Variants in EYA4 observed in about 807,000 individuals in gnomAD.
EYA4 encodes protein phosphatase EYA4.
Under a neutral mutation model 87.9 loss-of-function variants are expected in EYA4, and 31 were observed. That is an observed-to-expected ratio of 0.35 (90% CI 0.27 to 0.48). The LOEUF (loss-of-function observed/expected upper bound fraction) is 0.48, where lower values mean the gene tolerates loss of function less well. Ranked by LOEUF, EYA4 falls within the 20% of genes least tolerant of loss-of-function variation. The pLI is 0.99. For synonymous variants in EYA4, 263 were observed against 270.6 expected (o/e 0.97, Z 0.28); for missense variants, 678 against 761.4 (o/e 0.89, Z 1.29).
At chr6:133,298,547 T>C (rs1455717564) in intron 2 of EYA4, among the ~76,000 whole-genome samples, 1 of 152,198 alleles carries the variant, frequency 6.6e-6, no homozygotes, top group African/African-American at 2.4e-5. Flanking sequence ...TCAGCAATTA[T>C]AGCATAGAGG....
chr6:133,464,943 T>G, intron 10 of EYA4, 85 bp downstream of exon 10: 1 of 801,156 alleles, frequency 1.2e-6, no homozygotes, highest in Non-Finnish European at 2.1e-6. Flanking sequence ...ATGTGCATAC[T>G]CTCCCAGAAT....
chr6:133,245,707 C>T (rs1774351905), intron 1 of EYA4, among the ~76,000 whole-genome samples: 1 of 152,180 alleles, frequency 6.6e-6, no homozygotes, highest in Non-Finnish European at 1.5e-5. Context: ...GGGGACACTG[C>T]ATAGTCATTA....
At chr6:133,417,364 T>C (rs975803676) in intron 3 of EYA4, among the ~76,000 whole-genome samples, 1 of 152,090 alleles carries the variant, frequency 6.6e-6, no homozygotes, top group African/African-American at 2.4e-5. Flanking sequence ...GTGTCTGTTA[T>C]TATAGTAGGT....
chr6:133,352,506 G>T (rs534470906), intron 2 of EYA4, among the ~76,000 whole-genome samples: 3 of 151,984 alleles, frequency 2.0e-5, no homozygotes, highest in African/African-American at 4.8e-5. Context: ...TGTCATATAC[G>T]TACATATAAA....
At chr6:133,431,774 C>T (rs1008615455) in intron 3 of EYA4, among the ~76,000 whole-genome samples, 1 of 152,126 alleles carries the variant, frequency 6.6e-6, no homozygotes, top group Non-Finnish European at 1.5e-5. Context: ...AAATTTATAA[C>T]ATTGTGTGTT....
chr6:133,307,778 G>C (rs542620389), intron 2 of EYA4, among the ~76,000 whole-genome samples: 1 of 152,092 alleles, frequency 6.6e-6, no homozygotes, highest in Non-Finnish European at 1.5e-5. Flanking sequence ...CATTTTACCC[G>C]TGAGGAAATT....
intron 2 of EYA4, among the ~76,000 whole-genome samples, chr6:133,339,983 T>C (rs1300823234): frequency 1.3e-5 from 2 of 151,968 alleles, no homozygotes; most frequent in Non-Finnish European, 2.9e-5. Context: ...AACAAGTAGG[T>C]TTGGAAGAGT....
intron 2 of EYA4, among the ~76,000 whole-genome samples, chr6:133,312,496 C>T (rs1489225469): frequency 6.6e-6 from 1 of 152,112 alleles, no homozygotes; most frequent in East Asian, 1.9e-4. Flanking sequence ...TTGAAAAACA[C>T]ACCTAAAAAT....
rs1800900507 is a variant in EYA4 at position 133,529,765 on chromosome 6, A to C, written c.*960A>C. ...GTTTGGGAAAGACTGTGGGACCTTT[A>C]CTTAGAAAGTGAAATGTATGTAGAA... On this transcript the variant is annotated 3_prime_UTR_variant, in exon 20 of 20. Transcript: ENST00000355286. 1.0e-6 allele frequency: 1 copy of C among 985,006 alleles called. No individual in the cohort carries two copies. Among genetic ancestry groups the C allele is most frequent in the African/African-American group, 1.7e-5 (1 of 57,228 alleles). The allele number at this position is 985,006 out of a possible 1,614,324, so 61.0% of individuals were successfully genotyped here. A position where few individuals can be genotyped will look rare whatever the true frequency, so the allele number is the denominator to read the frequency against.
At chr6:133,453,962 C>T (rs1047833635) in intron 5 of EYA4, among the ~76,000 whole-genome samples, 2 of 152,062 alleles carry the variant, frequency 1.3e-5, no homozygotes, top group Non-Finnish European at 2.9e-5. Flanking sequence ...AAAACTCACT[C>T]TCTCCTTCTT....
chr6:133,437,362 G>A (rs1334764939), intron 3 of EYA4, among the ~76,000 whole-genome samples: 2 of 152,166 alleles, frequency 1.3e-5, no homozygotes, highest in Non-Finnish European at 2.9e-5. Flanking sequence ...GATAGAAACA[G>A]TCTGAGCTCT....
chr6:133,483,695 ATTG>A (rs61276340), intron 13 of EYA4, among the ~76,000 whole-genome samples: 38 of 110,970 alleles, frequency 3.4e-4, no homozygotes, highest in Non-Finnish European at 6.1e-4. Flanking sequence ...TATTTATTTC[ATTG>A]TTATTATTAT....
At chr6:133,452,471 G>A (rs971893857) in intron 5 of EYA4, among the ~76,000 whole-genome samples, 3 of 151,994 alleles carry the variant, frequency 2.0e-5, no homozygotes, top group Non-Finnish European at 2.9e-5. Context: ...GTAATTAATC[G>A]ACATTAATGT....
chr6:133,301,305 T>C (rs1779389166), intron 2 of EYA4, among the ~76,000 whole-genome samples: 1 of 152,238 alleles, frequency 6.6e-6, no homozygotes, highest in South Asian at 2.1e-4. Flanking sequence ...CATTATATGA[T>C]TGTATTAATA....
At chr6:133,504,956 C>CA (rs1798464772) in intron 13 of EYA4, among the ~76,000 whole-genome samples, 1 of 152,208 alleles carries the variant, frequency 6.6e-6, no homozygotes, top group Admixed American at 6.5e-5. Flanking sequence ...CCCAGCCACT[C>CA]AACCCAAATC....
chr6:133,510,263 C>CT (rs897665101), intron 14 of EYA4: 1 of 153,334 alleles, frequency 6.5e-6, no homozygotes, highest in Admixed American at 6.5e-5. Flanking sequence ...GATTCCTCCA[C>CT]TTTTTTGAAT....
intron 1 of EYA4, among the ~76,000 whole-genome samples, chr6:133,242,101 C>T (rs887885774): frequency 2.0e-5 from 3 of 152,238 alleles, no homozygotes; most frequent in African/African-American, 7.2e-5. Flanking sequence ...GCGGCTTCTA[C>T]CTGCACCCCG....
chr6:133,526,346 AAG>A (rs1160585591), intron 19 of EYA4, among the ~76,000 whole-genome samples: 52 of 152,324 alleles, frequency 3.4e-4, no homozygotes, highest in African/African-American at 1.2e-3. Context: ...TCATCTAATA[AAG>A]CCTTTGCCAT....
rs558497852 is a variant in EYA4, at chr6:133,421,851, A to G, written c.84-24779A>G. On this transcript the variant is annotated intron_variant, in intron 3 of 19. Coordinates refer to ENST00000355286, the MANE Select transcript of EYA4 (RefSeq NM_004100.5). Reference sequence around the variant, plus strand: ...TTTATAGATAGGATTGTGAATTTGGAAGGGAAACCCAGTCAGCCTAAATTA... The same window carrying G: ...TTTATAGATAGGATTGTGAATTTGGGAGGGAAACCCAGTCAGCCTAAATTA... Among the ~76,000 whole-genome samples the G allele has an allele frequency of 2.2e-3, 332 of 152,282 alleles. 3 individuals carry two copies. Among genetic ancestry groups the G allele is most frequent in the African/African-American group, 7.7e-3 (318 of 41,556 alleles).
Sources: allele counts gnomAD v4.1 joint callset (sites outside exome capture counted in the v4.1 genomes callset), GRCh38; gene constraint gnomAD v4.1.1; transcripts MANE v1.5; gene names NCBI Gene and HGNC (gene_info 2026-07-23, HGNC 2026-07-21).